TBC1D5: variants seen among roughly 807,000 people sequenced by gnomAD.
The protein encoded by TBC1D5 is TBC1 domain family member 5, also known as TBC1 domain family, member 5.
TBC1D5 carries 75 observed loss-of-function variants against 100.3 expected under a neutral mutation model. The ratio of observed to expected loss-of-function variants is 0.75; its 90% CI spans 0.62 to 0.91. The LOEUF (loss-of-function observed/expected upper bound fraction) is 0.91, where lower values mean the gene tolerates loss of function less well. Ranked by LOEUF, TBC1D5 falls within the 40% of genes least tolerant of loss-of-function variation. The pLI, the probability that TBC1D5 is intolerant of heterozygous loss-of-function variation, is 0.00. For missense variants in TBC1D5, 910 were observed against 942.4 expected, an observed-to-expected ratio of 0.97 and a Z score of 0.45; for synonymous variants, 323 against 325.6, an observed-to-expected ratio of 0.99 and a Z score of 0.09.
chr3:17,212,945 C>G (rs373912118), intron 18 of TBC1D5, among the ~76,000 whole-genome samples: 12 of 152,118 alleles, frequency 7.9e-5, no homozygotes, highest in African/African-American at 2.9e-4. Flanking sequence ...TTAGTGTAGC[C>G]TAAGTGTACA....
chr3:17,681,896 T>C (rs2153811830), intron 1 of TBC1D5, among the ~76,000 whole-genome samples: 1 of 151,574 alleles, frequency 6.6e-6, no homozygotes, highest in South Asian at 2.1e-4. Flanking sequence ...TCCTGTAAGA[T>C]CATCAGCAGC....
intron 8 of TBC1D5, among the ~76,000 whole-genome samples, chr3:17,400,255 T>G (rs2093612693): frequency 1.3e-5 from 2 of 152,132 alleles, no homozygotes; most frequent in Admixed American, 1.3e-4. Flanking sequence ...AGAAAACAAG[T>G]AACACTTTAT....
rs541752788 is a variant in TBC1D5 at position 17,712,672 on chromosome 3, G to T, written c.-101+26671C>A. ...GCTGCAAAGGCCCACCATTGGAGCA[G>T]AAGTATCACTTCTCAGACAAGAAGG... On this transcript the variant is annotated intron_variant, in intron 1 of 21. Coordinates refer to ENST00000253692, the Ensembl canonical transcript of TBC1D5. 2.0e-5 allele frequency among the ~76,000 whole-genome samples: 3 copies of T among 152,276 alleles called. No individual in the cohort carries two copies. In the South Asian group the frequency reaches 6.2e-4, roughly 32 times the overall value.
intron 3 of TBC1D5, among the ~76,000 whole-genome samples, chr3:17,478,572 G>C (rs977696845): frequency 6.6e-6 from 1 of 152,060 alleles, no homozygotes; most frequent in Admixed American, 6.6e-5. Context: ...ATCATGAATA[G>C]AATTTTTGCT....
intron 8 of TBC1D5, among the ~76,000 whole-genome samples, chr3:17,401,037 A>G (rs912191291): frequency 1.3e-5 from 2 of 152,038 alleles, no homozygotes; most frequent in Non-Finnish European, 2.9e-5. Flanking sequence ...ATACTCCTTA[A>G]TAAACTCCCC....
At chr3:17,602,239 G>A (rs2061006225) in intron 2 of TBC1D5, among the ~76,000 whole-genome samples, 1 of 152,120 alleles carries the variant, frequency 6.6e-6, no homozygotes, top group Non-Finnish European at 1.5e-5. Flanking sequence ...AAACCCATGT[G>A]GTGAATTAAA....
At chr3:17,226,284 T>A (rs2074891373) in intron 17 of TBC1D5, among the ~76,000 whole-genome samples, 1 of 149,680 alleles carries the variant, frequency 6.7e-6, no homozygotes, top group African/African-American at 2.5e-5. Context: ...ATAAGCTACA[T>A]ACTGGTTCCA....
At chr3:17,514,242 T>C (rs1180220194) in intron 2 of TBC1D5, among the ~76,000 whole-genome samples, 1 of 152,184 alleles carries the variant, frequency 6.6e-6, no homozygotes, top group Non-Finnish European at 1.5e-5. Flanking sequence ...TCCAAACCTT[T>C]CCAGAATACT....
intron 20 of TBC1D5, 96 bp downstream of exon 21, chr3:17,167,653 G>A: frequency 9.3e-7 from 1 of 1,072,520 alleles, no homozygotes; most frequent in Admixed American, 1.9e-5. Flanking sequence ...AGGGTTAGGG[G>A]GATGCTGGCT....
At chr3:17,235,628 T>C (rs1314725452) in intron 17 of TBC1D5, among the ~76,000 whole-genome samples, 1 of 152,186 alleles carries the variant, frequency 6.6e-6, no homozygotes, top group Non-Finnish European at 1.5e-5. Flanking sequence ...TTAATACATA[T>C]TCTACCAAAA....
intron 4 of TBC1D5, among the ~76,000 whole-genome samples, chr3:17,426,488 A>G (rs1362061937): frequency 6.6e-6 from 1 of 151,346 alleles, no homozygotes; most frequent in Non-Finnish European, 1.5e-5. Flanking sequence ...ACATTTTTAC[A>G]TACTGTATTA....
Position 17,645,212 on chromosome 3 carries a change from T to C in TBC1D5, c.-100-21299A>G, listed in dbSNP as rs182451189. Among the ~76,000 whole-genome samples, 4 of 152,232 alleles carry C rather than the reference T, an allele frequency of 2.6e-5. No homozygotes were observed. In the East Asian group the frequency reaches 7.7e-4, roughly 29 times the overall value. On this transcript the variant is annotated intron_variant, in intron 1 of 21. Transcript: ENST00000253692. ...GAGAAGAAAGAAATTGGTTATGCAATGCTTAGGAAAAACAGCTTCCTATTT... is the reference window on the plus strand; with the variant it reads ...GAGAAGAAAGAAATTGGTTATGCAACGCTTAGGAAAAACAGCTTCCTATTT...
chr3:17,232,647 C>A (rs917508624), intron 17 of TBC1D5, among the ~76,000 whole-genome samples: 2 of 152,076 alleles, frequency 1.3e-5, no homozygotes, highest in Admixed American at 1.3e-4. Context: ...ACCTGTGAGA[C>A]ACAGAACTAT....
intron 1 of TBC1D5, among the ~76,000 whole-genome samples, chr3:17,629,124 T>A (rs761953008): frequency 6.6e-6 from 1 of 152,230 alleles, no homozygotes; most frequent in Non-Finnish European, 1.5e-5. Context: ...AAATAAAATA[T>A]AGAATAGAAA....
chr3:17,350,309 C>T (rs982156364), intron 13 of TBC1D5, among the ~76,000 whole-genome samples: 1 of 127,320 alleles, frequency 7.9e-6, no homozygotes, highest in African/African-American at 4.4e-5. Context: ...GTTAGAGAAA[C>T]GCATGGGAGG....
At chr3:17,201,086 A>AT (rs201100061) in intron 18 of TBC1D5, among the ~76,000 whole-genome samples, 5 of 151,610 alleles carry the variant, frequency 3.3e-5, no homozygotes, top group African/African-American at 7.3e-5. Context: ...TAAAATCCAA[A>AT]TTTTTTTTTA....
intron 2 of TBC1D5, among the ~76,000 whole-genome samples, chr3:17,539,126 C>T (rs1175636586): frequency 6.6e-6 from 1 of 152,130 alleles, no homozygotes; most frequent in African/African-American, 2.4e-5. Flanking sequence ...GCAGAGGCTG[C>T]AATAAGCCAA....
chr3:17,521,339 C>T (rs1364240409), intron 2 of TBC1D5, among the ~76,000 whole-genome samples: 1 of 152,186 alleles, frequency 6.6e-6, no homozygotes, highest in Non-Finnish European at 1.5e-5. Context: ...AATGTGAAGC[C>T]AACAAGGGTA....
chr3:17,544,224 G>A (rs888300579), intron 2 of TBC1D5, among the ~76,000 whole-genome samples: 4 of 152,114 alleles, frequency 2.6e-5, no homozygotes, highest in Admixed American at 1.3e-4. Flanking sequence ...TGAACCGGGG[G>A]CCACACTTTG....
Sources: allele counts gnomAD v4.1 joint callset (sites outside exome capture counted in the v4.1 genomes callset), GRCh38; gene constraint gnomAD v4.1.1; transcripts MANE v1.5; gene names NCBI Gene and HGNC (gene_info 2026-07-23, HGNC 2026-07-21).